The following FAM227A variants were observed in gnomAD, a reference collection of about 807,000 sequenced individuals.
FAM227A encodes the protein protein FAM227A.
In FAM227A, 80 loss-of-function variants were observed where a neutral mutation model predicts 74.7. That is an observed-to-expected ratio of 1.07 (90% CI 0.89 to 1.29). The LOEUF is 1.29. FAM227A is among the 50% of genes most tolerant of loss of function. The probability of loss-of-function intolerance (pLI) is 0.00; values close to 1 mark genes in which losing one functional copy is unlikely to be tolerated. For missense variants in FAM227A, 654 were observed against 683.4 expected, an observed-to-expected ratio of 0.96 and a Z score of 0.48; for synonymous variants, 237 against 241.8, an observed-to-expected ratio of 0.98 and a Z score of 0.19.
At chr22:38,654,856 G>C (rs1415555244) in intron 1 of FAM227A, among the ~76,000 whole-genome samples, 2 of 151,390 alleles carry the variant, frequency 1.3e-5, no homozygotes, top group Non-Finnish European at 2.9e-5. Context: ...GCTGAGGCAG[G>C]ACAATGGCAT....
In FAM227A at chr22:38,581,120, G is replaced by A. The variant is rs1270205606; in HGVS notation, c.*5005C>T. On this transcript the variant is annotated 3_prime_UTR_variant, in exon 17 of 17. Coordinates refer to ENST00000535113, the MANE Select transcript of FAM227A (RefSeq NM_001013647.2). ...AAAGTCACAATATGAACTTACAGGT[G>A]AGAACACGTTTGACGTGCTTCAAAT... The A allele has an allele frequency of 1.3e-5, 2 of 152,200 alleles. No individual in the cohort carries two copies. Among genetic ancestry groups the A allele is most frequent in the South Asian group, 2.1e-4 (1 of 4,830 alleles). 9.4% of individuals were successfully genotyped at this position (152,200 alleles called of 1,614,324 possible).
At chr22:38,643,736 T>G (rs1198098495) in intron 3 of FAM227A, among the ~76,000 whole-genome samples, 1 of 152,108 alleles carries the variant, frequency 6.6e-6, no homozygotes, top group Non-Finnish European at 1.5e-5. Context: ...TTGCCAAAAC[T>G]TGGAGGCAAC....
At position 38,628,360 on chromosome 22, in the gene FAM227A, G is replaced by A. The variant is rs1603010818; in HGVS notation, c.622-18C>T. On this transcript the variant is annotated intron_variant, in intron 7 of 16. Transcript: ENST00000535113. ...TTGTTTGGCTGCCAGGAATAGAAAT[G>A]AAAAAGGAATTACTAAAGTCCCTTG... 1 of 1,503,674 alleles carries A rather than the reference G, an allele frequency of 6.7e-7. No individual in the cohort carries two copies. The highest frequency in any genetic ancestry group is 9.0e-7 in the Non-Finnish European group (1 of 1,105,532). The allele number at this position is 1,503,674 out of a possible 1,614,324, so 93.1% of individuals were successfully genotyped here.
intron 11 of FAM227A, among the ~76,000 whole-genome samples, chr22:38,611,149 T>C (rs1214344998): frequency 1.3e-5 from 2 of 152,194 alleles, no homozygotes; most frequent in African/African-American, 4.8e-5. Flanking sequence ...GTGACTACCA[T>C]AAGGGTTGGG....
intron 3 of FAM227A, among the ~76,000 whole-genome samples, chr22:38,645,283 C>T (rs763588753): frequency 3.3e-5 from 5 of 151,744 alleles, no homozygotes; most frequent in Non-Finnish European, 5.9e-5. Context: ...CCCAGCTGCT[C>T]GGGAGGCTGA....
intron 6 of FAM227A, among the ~76,000 whole-genome samples, chr22:38,630,827 A>G (rs1423051557): frequency 1.3e-5 from 2 of 152,154 alleles, no homozygotes; most frequent in Non-Finnish European, 2.9e-5. Context: ...GAGCCCAGAG[A>G]GGGCATCTCA....
Position 38,585,933 on chromosome 22 carries a change from A to G in FAM227A, c.*192T>C. ...ATCTATGAATAAATGTAGTGACCCA[A>G]GCACCAACTCTCTACTCCTGCTTTT... On this transcript the variant is annotated 3_prime_UTR_variant, in exon 17 of 17. Transcript: ENST00000535113. 3.0e-6 allele frequency: 4 copies of G among 1,319,428 alleles called. No individual in the cohort carries two copies. Among genetic ancestry groups the G allele is most frequent in the Non-Finnish European group, 4.1e-6 (4 of 980,136 alleles). 81.7% of individuals were successfully genotyped at this position (1,319,428 alleles called of 1,614,324 possible).
At chr22:38,654,220 C>T (rs1017167406) in intron 1 of FAM227A, among the ~76,000 whole-genome samples, 2 of 151,814 alleles carry the variant, frequency 1.3e-5, no homozygotes, top group African/African-American at 4.8e-5. Context: ...TGATGGCAGG[C>T]GCCTGTTGTC....
rs536555487 is a variant in FAM227A, at chr22:38,612,010, C to G, written c.1039-4534G>C. 1.9e-3 allele frequency among the ~76,000 whole-genome samples: 283 copies of G among 152,220 alleles called. 2 individuals carry two copies. The highest frequency in any genetic ancestry group is 3.4e-3 in the Middle Eastern group (1 of 294). ...CCTTCAACTCCGTCCTTTCTTCCCC[C>G]ACTTCTCCTCCCCACTCCCAAAGCC... On this transcript the variant is annotated intron_variant, in intron 11 of 16. Transcript: ENST00000535113.
At chr22:38,651,087 G>A (rs2092315450) in intron 1 of FAM227A, among the ~76,000 whole-genome samples, 1 of 152,050 alleles carries the variant, frequency 6.6e-6, no homozygotes, top group South Asian at 2.1e-4. Flanking sequence ...TGCCAGACCC[G>A]CAGAACTTCT....
intron 3 of FAM227A, among the ~76,000 whole-genome samples, chr22:38,642,328 C>T (rs1180526567): frequency 6.6e-6 from 1 of 152,112 alleles, no homozygotes; most frequent in Non-Finnish European, 1.5e-5. Flanking sequence ...TCTGGAGGCT[C>T]AGTGTAGACA....
chr22:38,634,501 A>G (rs1374202357), intron 6 of FAM227A, among the ~76,000 whole-genome samples: 1 of 152,116 alleles, frequency 6.6e-6, no homozygotes, highest in Non-Finnish European at 1.5e-5. Flanking sequence ...GCACCTTTAC[A>G]TGCATTATCT....
rs568773746 is a variant in FAM227A, at chr22:38,645,427, A to G, written c.225+136T>C. On this transcript the variant is annotated intron_variant, in intron 3 of 16. Transcript: ENST00000535113. ...AAAATGTTTATTAATTTTTAAAAAA[A>G]TTAACTTTGAATACTCAATTGTGTA... 25 of 608,682 alleles carry G rather than the reference A, an allele frequency of 4.1e-5. No homozygotes were observed. In the South Asian group the frequency reaches 5.2e-4, roughly 13 times the overall value. 37.7% of individuals were successfully genotyped at this position (608,682 alleles called of 1,614,324 possible).
intron 11 of FAM227A, among the ~76,000 whole-genome samples, chr22:38,611,306 T>G (rs2091409121): frequency 6.6e-6 from 1 of 152,098 alleles, no homozygotes; most frequent in African/African-American, 2.4e-5. Flanking sequence ...TTGGGGAGCC[T>G]AAATTTGAGC....
chr22:38,632,888 G>A (rs2091939732), intron 6 of FAM227A, among the ~76,000 whole-genome samples: 1 of 152,212 alleles, frequency 6.6e-6, no homozygotes, highest in African/African-American at 2.4e-5. Flanking sequence ...TCAGCAGTGG[G>A]TGAGGGTGGG....
chr22:38,626,891 A>AAAAAAAAAAAT (rs1555966996), intron 8 of FAM227A, among the ~76,000 whole-genome samples: 2 of 57,686 alleles, frequency 3.5e-5, no homozygotes, highest in African/African-American at 1.7e-4. Context: ...AAAAAAAAAA[A>AAAAAAAAAAAT]ATATATATAT....
chr22:38,636,368 G>C (rs2092006898), intron 6 of FAM227A, 83 bp downstream of exon 6: 1 of 1,443,376 alleles, frequency 6.9e-7, no homozygotes, highest in Admixed American at 2.3e-5. Context: ...GAGTTCCTCA[G>C]TTTCTCCTGG....
In FAM227A at chr22:38,629,938, C is replaced by G. The variant is rs550065608; in HGVS notation, c.520-1003G>C. On this transcript the variant is annotated intron_variant, in intron 6 of 16. Transcript: ENST00000535113. ...TGCCTCTTCTTTACCATCCATCACT[C>G]ACACACAGGTGCCTCTCCTTTACCA... Among the ~76,000 whole-genome samples the G allele has an allele frequency of 7.2e-4, 102 of 142,304 alleles. 2 individuals are homozygous for G. The highest frequency in any genetic ancestry group is 2.7e-3 in the African/African-American group (99 of 36,988). The allele number at this position is 142,304 out of a possible 152,430, so 93.4% of individuals were successfully genotyped here.
chr22:38,624,719 C>T (rs1446648450), intron 9 of FAM227A, among the ~76,000 whole-genome samples: 1 of 152,170 alleles, frequency 6.6e-6, no homozygotes, highest in Admixed American at 6.5e-5. Context: ...AAGCAACACA[C>T]ACATGTTGCT....
Sources: gnomAD v4.1 joint callset for allele counts (sites outside exome capture counted in the v4.1 genomes callset) on GRCh38, gnomAD v4.1.1 for gene constraint, MANE v1.5 for transcripts, NCBI Gene and HGNC (gene_info 2026-07-23, HGNC 2026-07-21) for gene names.